CDKN2B-AS1: variants seen among roughly 807,000 people sequenced by gnomAD.
The protein encoded by CDKN2B-AS1 is CDKN2B antisense RNA 1 (non-protein coding).
intron 4 of CDKN2B-AS1, among the ~76,000 whole-genome samples, chr9:22,103,076 C>T (rs1052458043): frequency 4.0e-5 from 6 of 151,278 alleles, no homozygotes; most frequent in African/African-American, 1.5e-4. Flanking sequence ...AGAAATCTTA[C>T]TAGTGACTAT....
chr9:22,014,566 A>G (rs1443891451), intron 1 of CDKN2B-AS1, among the ~76,000 whole-genome samples: 2 of 152,188 alleles, frequency 1.3e-5, no homozygotes, highest in Non-Finnish European at 2.9e-5. Context: ...AAATGTATTT[A>G]TAAATTTTCA....
Position 21,996,540 on chromosome 9 carries a change from G to A in CDKN2B-AS1, n.29+1379G>A, listed in dbSNP as rs546754232. 1.1e-3 allele frequency among the ~76,000 whole-genome samples: 167 copies of A among 151,978 alleles called. No homozygotes were observed. Among genetic ancestry groups the A allele is most frequent in the African/African-American group, 3.9e-3 (162 of 41,414 alleles). On this transcript the variant is annotated intron_variant and non_coding_transcript_variant, in intron 1 of 4. Transcript: ENST00000650946. This position sits in a 1 kb window ranked among gnomAD's most constrained non-coding sequence, Gnocchi z 5.4. ...TACCACCGTGATTTTTTTCTTTATA[G>A]CACTTAGGACGAAGAGATTATTTTA...
At chr9:22,126,457 A>G (rs1039815817) in intron 4 of CDKN2B-AS1, among the ~76,000 whole-genome samples, 1 of 152,124 alleles carries the variant, frequency 6.6e-6, no homozygotes, top group Non-Finnish European at 1.5e-5. Flanking sequence ...ATACAAGGGG[A>G]AATGCATTGG....
At chr9:22,034,070 A>C (rs768457109) in intron 1 of CDKN2B-AS1, among the ~76,000 whole-genome samples, 1 of 152,332 alleles carries the variant, frequency 6.6e-6, no homozygotes, top group Non-Finnish European at 1.5e-5. Context: ...TGAATATATG[A>C]AAGATGGTGA....
At chr9:22,028,928 G>T (rs1231750724) in intron 1 of CDKN2B-AS1, among the ~76,000 whole-genome samples, 1 of 152,066 alleles carries the variant, frequency 6.6e-6, no homozygotes, top group Non-Finnish European at 1.5e-5. Flanking sequence ...ATGAAACACA[G>T]ATTGATTATG....
At position 22,006,358 on chromosome 9, in the gene CDKN2B-AS1, C is replaced by T; in HGVS notation, n.29+11197C>T. On this transcript the variant is annotated intron_variant and non_coding_transcript_variant, in intron 1 of 4. Transcript: ENST00000650946. The surrounding 1 kb of genome is among the most constrained non-coding windows in gnomAD (Gnocchi z 6.4). ...AAGAAACACCTAATTGCAAAGTTTT[C>T]ACCCAGTGCAGAGGTGTTCAGGTCT... 1 of 1,446,680 alleles carries T rather than the reference C, an allele frequency of 6.9e-7. No individual in the cohort carries two copies. The highest frequency in any genetic ancestry group is 9.4e-7 in the Non-Finnish European group (1 of 1,063,276). The allele number at this position is 1,446,680 out of a possible 1,614,324, so 89.6% of individuals were successfully genotyped here.
At chr9:22,109,032 A>AT (rs200340659) in intron 4 of CDKN2B-AS1, among the ~76,000 whole-genome samples, 1 of 152,104 alleles carries the variant, frequency 6.6e-6, no homozygotes. Context: ...TTATGAGATT[A>AT]TTTTTTTCCC....
chr9:22,050,941 G>T (rs1051380180), intron 3 of CDKN2B-AS1, among the ~76,000 whole-genome samples: 10 of 152,302 alleles, frequency 6.6e-5, no homozygotes, highest in Middle Eastern at 3.4e-3. Context: ...TGAAAAAACG[G>T]CTACCGTTTT....
chr9:22,019,418 A>G (rs962177414), intron 1 of CDKN2B-AS1, among the ~76,000 whole-genome samples: 2 of 152,216 alleles, frequency 1.3e-5, no homozygotes, highest in East Asian at 1.9e-4. Flanking sequence ...GCTTTAAGAC[A>G]TATTTAAAGA....
exon 5 of CDKN2B-AS1, among the ~76,000 whole-genome samples, chr9:22,127,926 C>A (rs1818040240): frequency 6.6e-6 from 1 of 152,086 alleles, no homozygotes; most frequent in Non-Finnish European, 1.5e-5. Flanking sequence ...CAGGGTCAGA[C>A]AACTGGGTGC....
chr9:22,091,087 C>G (rs575059342), intron 4 of CDKN2B-AS1, among the ~76,000 whole-genome samples: 3 of 152,268 alleles, frequency 2.0e-5, no homozygotes, highest in South Asian at 2.1e-4. Flanking sequence ...ATAGGGAATC[C>G]TTTCCCCATT....
intron 4 of CDKN2B-AS1, among the ~76,000 whole-genome samples, chr9:22,080,817 A>C (rs1009525509): frequency 6.6e-6 from 1 of 152,250 alleles, no homozygotes; most frequent in Non-Finnish European, 1.5e-5. Flanking sequence ...TTATAGCTAC[A>C]TGACAAAGAA....
chr9:22,107,774 C>T (rs1290004887), intron 4 of CDKN2B-AS1, among the ~76,000 whole-genome samples: 1 of 152,194 alleles, frequency 6.6e-6, no homozygotes, highest in African/African-American at 2.4e-5. Flanking sequence ...GGCCTTCAGG[C>T]AGCCAGGGGG....
At position 22,006,175 on chromosome 9, in the gene CDKN2B-AS1, G is replaced by A. The variant is rs765231771; in HGVS notation, n.29+11014G>A. 1.9e-6 allele frequency: 3 copies of A among 1,610,484 alleles called. No homozygotes were observed. Among genetic ancestry groups the A allele is most frequent in the Middle Eastern group, 1.7e-4 (1 of 5,836 alleles). The stretch of plus-strand genomic sequence containing the variant: ...TGCACCGGTCGGGTGAGAGTGGCAG[G>A]GTCTGCGCAGTTGGGCTCCGCGCCG... On this transcript the variant is annotated intron_variant and non_coding_transcript_variant, in intron 1 of 4. Coordinates refer to ENST00000650946, the Ensembl canonical transcript of CDKN2B-AS1. The surrounding 1 kb of genome is among the most constrained non-coding windows in gnomAD (Gnocchi z 6.4).
rs982722938 is a variant in CDKN2B-AS1, at chr9:21,999,627, G to A, written n.29+4466G>A. Among the ~76,000 whole-genome samples, 9 of 152,096 alleles carry A rather than the reference G, an allele frequency of 5.9e-5. No individual in the cohort carries two copies. Among genetic ancestry groups the A allele is most frequent in the Non-Finnish European group, 1.0e-4 (7 of 67,976 alleles). ...ATTCACTCCTATATAAATTGCTACA[G>A]ATAACTTGTATAAGTATGCAGAAAT... On this transcript the variant is annotated intron_variant and non_coding_transcript_variant, in intron 1 of 4. Coordinates refer to ENST00000650946, the Ensembl canonical transcript of CDKN2B-AS1. The surrounding 1 kb of genome is among the most constrained non-coding windows in gnomAD (Gnocchi z 4.7).
At chr9:22,093,714 C>G (rs1217213721) in intron 4 of CDKN2B-AS1, among the ~76,000 whole-genome samples, 1 of 143,510 alleles carries the variant, frequency 7.0e-6, no homozygotes, top group African/African-American at 2.9e-5. Flanking sequence ...ATGTGTGTTT[C>G]TGCACATGAG....
chr9:22,086,321 T>C (rs552315751), intron 4 of CDKN2B-AS1, among the ~76,000 whole-genome samples: 1 of 152,290 alleles, frequency 6.6e-6, no homozygotes, highest in South Asian at 2.1e-4. Flanking sequence ...AAGCCAAGAA[T>C]TATGCTTAAA....
At chr9:22,071,805 G>A (rs995703086) in intron 4 of CDKN2B-AS1, among the ~76,000 whole-genome samples, 1 of 152,100 alleles carries the variant, frequency 6.6e-6, no homozygotes, top group African/African-American at 2.4e-5. Flanking sequence ...TATGAGCTAG[G>A]TGATGTAAAA....
At chr9:22,069,218 G>T (rs565010104) in intron 4 of CDKN2B-AS1, among the ~76,000 whole-genome samples, 102 of 152,214 alleles carry the variant, frequency 6.7e-4, no homozygotes, top group African/African-American at 2.4e-3. Context: ...TTTGCGCCTG[G>T]CACTCCTCTG....
Sources: gnomAD v4.1 joint callset for allele counts (sites outside exome capture counted in the v4.1 genomes callset) on GRCh38, gnomAD v4.1.1 for gene constraint, Gnocchi (gnomAD v3.1) non-coding constraint, MANE v1.5 for transcripts, NCBI Gene and HGNC (gene_info 2026-07-23, HGNC 2026-07-21) for gene names.